PCDH15: variants seen among roughly 807,000 people sequenced by gnomAD.
PCDH15 encodes protocadherin related 15.
PCDH15 carries 129 observed loss-of-function variants against 178.5 expected under a neutral mutation model. The observed-to-expected ratio is 0.72, with a 90% CI of 0.63 to 0.84. PCDH15 has a LOEUF of 0.84. PCDH15 is among the 40% of genes least tolerant of loss of function. The probability of loss-of-function intolerance (pLI) is 0.00; values close to 1 mark genes in which losing one functional copy is unlikely to be tolerated. For missense variants in PCDH15, 2,230 were observed against 2,099.9 expected (o/e 1.06, Z -1.21); for synonymous variants, 800 against 732.0 (o/e 1.09, Z -1.50).
At chr10:55,139,549 T>C (rs1200275669) in intron 2 of PCDH15, among the ~76,000 whole-genome samples, 6 of 152,232 alleles carry the variant, frequency 3.9e-5, no homozygotes, top group African/African-American at 1.4e-4. Flanking sequence ...TGAAAAGCTA[T>C]CTTTTCTTCA....
chr10:54,472,677 T>C (rs948542846), intron 3 of PCDH15, among the ~76,000 whole-genome samples: 20 of 152,128 alleles, frequency 1.3e-4, no homozygotes, highest in Admixed American at 1.2e-3. Flanking sequence ...ATGGCAGTGA[T>C]AGCAACAGGC....
At chr10:55,205,080 C>G (rs1338382386) in intron 1 of PCDH15, among the ~76,000 whole-genome samples, 1 of 151,910 alleles carries the variant, frequency 6.6e-6, no homozygotes, top group Admixed American at 6.6e-5. Flanking sequence ...TACTTCCAAG[C>G]AAGCCAACTA....
chr10:53,827,513 T>C lies in PCDH15; in HGVS notation c.4247A>G (p.Gln1416Arg). The change falls in exon 32 of 38, where the codon CAG (glutamine) becomes CGG (arginine). Residue 1416 changes from glutamine to arginine, a missense_variant. Coordinates refer to ENST00000644397, the MANE Select transcript of PCDH15 (RefSeq NM_001384140.1). ...TGGTTTAGCCGCGGGTAATGCGGCC[T>C]GAATTCGTGCAGTCTTTGTACACTC... is the stretch of plus-strand genomic sequence containing the variant. ...QAECTKTARI[Q>R]AALPAAKPAV... is the part of the protein sequence containing the mutation. The C allele has an allele frequency of 6.2e-7, 1 of 1,614,112 alleles. No individual in the cohort carries two copies. The highest frequency in any genetic ancestry group is 8.5e-7 in the Non-Finnish European group (1 of 1,179,946).
intron 3 of PCDH15, among the ~76,000 whole-genome samples, chr10:54,507,048 A>G (rs2081233601): frequency 6.6e-6 from 1 of 151,892 alleles, no homozygotes; most frequent in South Asian, 2.1e-4. Flanking sequence ...TTTTGCCTTT[A>G]GGATTCCTTT....
chr10:54,127,859 G>A (rs1215591864), intron 15 of PCDH15, among the ~76,000 whole-genome samples: 1 of 151,998 alleles, frequency 6.6e-6, no homozygotes, highest in African/African-American at 2.4e-5. Flanking sequence ...CTCAATTTAT[G>A]TCTATAATTG....
At position 53,806,207 on chromosome 10, in the gene PCDH15, A is replaced by G. The variant is rs940700049; in HGVS notation, c.*372T>C. The G allele has an allele frequency of 5.6e-6, 1 of 179,516 alleles. No individual in the cohort carries two copies. The highest frequency in any genetic ancestry group is 1.3e-4 in the South Asian group (1 of 7,976). The allele number at this position is 179,516 out of a possible 1,614,324, so 11.1% of individuals were successfully genotyped here. On this transcript the variant is annotated 3_prime_UTR_variant, in exon 38 of 38. Coordinates refer to ENST00000644397, the MANE Select transcript of PCDH15 (RefSeq NM_001384140.1). ...TTTTGGCTATGGAAAATAAAATTAC[A>G]TGTACTAAAAATGTTTTGTGGAGCT...
At chr10:54,656,496 CAG>C (rs1270090773) in intron 2 of PCDH15, among the ~76,000 whole-genome samples, 2 of 152,152 alleles carry the variant, frequency 1.3e-5, no homozygotes, top group Admixed American at 1.3e-4. Flanking sequence ...TTAACTCACA[CAG>C]GGGTGCCCAC....
chr10:54,807,161 G>C (rs1172820467), intron 3 of PCDH15, among the ~76,000 whole-genome samples: 1 of 152,104 alleles, frequency 6.6e-6, no homozygotes, highest in Non-Finnish European at 1.5e-5. Context: ...TATTCAGTTA[G>C]ACAGCAAATT....
intron 2 of PCDH15, among the ~76,000 whole-genome samples, chr10:55,158,060 A>G (rs1301017938): frequency 1.1e-4 from 15 of 132,532 alleles, no homozygotes; most frequent in Admixed American, 6.0e-4. Context: ...AATCACACAA[A>G]TATGTGTGTA....
chr10:55,395,436 C>T (rs927918606), intron 2 of PCDH15, among the ~76,000 whole-genome samples: 1 of 152,002 alleles, frequency 6.6e-6, no homozygotes, highest in Non-Finnish European at 1.5e-5. Context: ...CAGACCATTG[C>T]TTCCTAGTTT....
intron 21 of PCDH15, among the ~76,000 whole-genome samples, chr10:53,978,490 G>A (rs2090369771): frequency 6.6e-6 from 1 of 152,024 alleles, no homozygotes; most frequent in Non-Finnish European, 1.5e-5. Flanking sequence ...CCCAGCCCAG[G>A]AAACCATTTT....
At chr10:55,006,332 AT>A (rs201492537) in intron 2 of PCDH15, among the ~76,000 whole-genome samples, 1 of 152,106 alleles carries the variant, frequency 6.6e-6, no homozygotes, top group East Asian at 1.9e-4. Context: ...ATTTATTAAA[AT>A]TTTCCCTTAA....
intron 29 of PCDH15, among the ~76,000 whole-genome samples, chr10:53,839,238 C>T (rs1246493324): frequency 7.4e-6 from 1 of 135,694 alleles, no homozygotes; most frequent in Non-Finnish European, 1.6e-5. Flanking sequence ...TGATGAGTAA[C>T]ATGTTAAATA....
chr10:54,049,901 G>A (rs950944781), intron 18 of PCDH15, among the ~76,000 whole-genome samples: 4 of 152,172 alleles, frequency 2.6e-5, no homozygotes, highest in Non-Finnish European at 4.4e-5. Flanking sequence ...TTACAGGTGT[G>A]AGCCATGGTG....
At chr10:54,804,948 T>TATATATATAC (rs905516559), upstream of PCDH15, among the ~76,000 whole-genome samples, 4 of 127,238 alleles carry the variant, frequency 3.1e-5, no homozygotes, top group South Asian at 2.5e-4. Context: ...TATATATATA[T>TATATATATAC]ACAGAGTTTG....
chr10:54,524,873 A>G (rs2083226874), intron 3 of PCDH15, among the ~76,000 whole-genome samples: 1 of 152,216 alleles, frequency 6.6e-6, no homozygotes, highest in Admixed American at 6.5e-5. Flanking sequence ...TCAGCCCAAG[A>G]TGATGTAATG....
chr10:54,714,244 G>T (rs1591224897), intron 1 of PCDH15, among the ~76,000 whole-genome samples: 1 of 152,198 alleles, frequency 6.6e-6, no homozygotes, highest in East Asian at 1.9e-4. Flanking sequence ...ACTGTCTATC[G>T]CAAACATCAC....
At chr10:54,399,867 T>A (rs1951721407) in intron 3 of PCDH15, among the ~76,000 whole-genome samples, 1 of 152,160 alleles carries the variant, frequency 6.6e-6, no homozygotes, top group Admixed American at 6.6e-5. Flanking sequence ...CTCCAAAGAA[T>A]CTGCCTACGT....
intron 37 of PCDH15, chr10:53,808,328 GTGTA>G (rs1285332318): frequency 8.2e-3 from 2,611 of 318,622 alleles, no homozygotes; most frequent in Non-Finnish European, 0.01. Flanking sequence ...TAGTGTGTGT[GTGTA>G]TATATATATA....
Sources: gnomAD v4.1 joint callset for allele counts (sites outside exome capture counted in the v4.1 genomes callset) on GRCh38, gnomAD v4.1.1 for gene constraint, MANE v1.5 for transcripts, NCBI Gene and HGNC (gene_info 2026-07-23, HGNC 2026-07-21) for gene names.